CPS1: variants seen among roughly 807,000 people sequenced by gnomAD.
CPS1 encodes carbamoyl-phosphate synthase 1, also known as carbamoyl-phosphate synthase [ammonia], mitochondrial.
A neutral mutation model predicts 174.6 loss-of-function variants in CPS1; 109 were observed. The observed-to-expected ratio is 0.62, with a 90% CI of 0.53 to 0.73. The LOEUF (loss-of-function observed/expected upper bound fraction) is 0.73, where lower values mean the gene tolerates loss of function less well. Ranked by LOEUF, CPS1 falls within the 30% of genes least tolerant of loss-of-function variation. The pLI is 0.00. For missense variants in CPS1, 1,689 were observed against 1,821.9 expected (o/e 0.93, Z 1.33); for synonymous variants, 637 against 632.0 (o/e 1.01, Z -0.12).
chr2:210,647,204 T>C (rs1700405522), intron 25 of CPS1, among the ~76,000 whole-genome samples: 1 of 152,026 alleles, frequency 6.6e-6, no homozygotes, highest in South Asian at 2.1e-4. Context: ...AGCTAAAGGT[T>C]AGATAAGCTG....
intron 1 of CPS1, among the ~76,000 whole-genome samples, chr2:210,497,530 C>T (rs1695020418): frequency 6.6e-6 from 1 of 151,944 alleles, no homozygotes; most frequent in Non-Finnish European, 1.5e-5. Flanking sequence ...GTTTTTCAAC[C>T]CTTGTCCCCA....
At chr2:210,507,109 G>A (rs1038605832) in intron 1 of CPS1, among the ~76,000 whole-genome samples, 6 of 152,204 alleles carry the variant, frequency 3.9e-5, no homozygotes, top group African/African-American at 1.2e-4. Flanking sequence ...AGGAAAAAAT[G>A]TTAAGGGCAG....
chr2:210,634,629 C>A (rs1311765769), intron 21 of CPS1, among the ~76,000 whole-genome samples: 1 of 152,150 alleles, frequency 6.6e-6, no homozygotes, highest in Non-Finnish European at 1.5e-5. Context: ...TCAACTTGTG[C>A]ACACTTCTCC....
intron 1 of CPS1, among the ~76,000 whole-genome samples, chr2:210,479,731 A>G (rs1401623626): frequency 6.6e-6 from 1 of 152,328 alleles, no homozygotes; most frequent in East Asian, 1.9e-4. Context: ...GGCTGAACAC[A>G]TTTGTGGCTA....
intron 21 of CPS1, among the ~76,000 whole-genome samples, chr2:210,622,383 C>CAT (rs951414336): frequency 6.6e-6 from 1 of 151,320 alleles, no homozygotes; most frequent in African/African-American, 2.4e-5. Context: ...TAAACATAAG[C>CAT]ATATATATAC....
At chr2:210,579,610 T>C (rs1272543601) in intron 4 of CPS1, 104 bp from the exon 5 acceptor site, 2 of 863,876 alleles carry the variant, frequency 2.3e-6, no homozygotes, top group Non-Finnish European at 2.0e-6. Context: ...GGAGAAATTA[T>C]TTACTGCTCA....
At chr2:210,665,160 C>A (rs1283590236) in intron 33 of CPS1, among the ~76,000 whole-genome samples, 1 of 152,120 alleles carries the variant, frequency 6.6e-6, no homozygotes, top group Non-Finnish European at 1.5e-5. Flanking sequence ...AAGTTAGTTG[C>A]CCAGTACTTG....
At chr2:210,538,347 T>C (rs1000821740) in intron 1 of CPS1, among the ~76,000 whole-genome samples, 15 of 152,144 alleles carry the variant, frequency 9.9e-5, no homozygotes, top group Non-Finnish European at 2.1e-4. Flanking sequence ...AATATCCTAC[T>C]TTTGTATATT....
At position 210,620,829 on chromosome 2, in the gene CPS1, G is replaced by A. The variant is rs78465220; in HGVS notation, c.2687+4288G>A. The stretch of plus-strand genomic sequence containing the variant: ...ACCAGTCCCCATCTCCAACACTGGG[G>A]ATTAAATATCAATCTGAGATTTGGG... On this transcript the variant is annotated intron_variant, in intron 21 of 37. Transcript: ENST00000233072. Among the ~76,000 whole-genome samples the A allele has an allele frequency of 1.5e-3, 230 of 152,120 alleles. 1 individual carries two copies. The highest frequency in any genetic ancestry group is 5.0e-3 in the African/African-American group (207 of 41,492).
intron 21 of CPS1, among the ~76,000 whole-genome samples, chr2:210,630,763 C>T (rs1345003648): frequency 6.6e-6 from 1 of 152,112 alleles, no homozygotes; most frequent in Admixed American, 6.6e-5. Context: ...TTGCATTTCT[C>T]GTAAGGAAAC....
chr2:210,537,433 G>T (rs1300835735), intron 1 of CPS1, among the ~76,000 whole-genome samples: 2 of 152,170 alleles, frequency 1.3e-5, no homozygotes, highest in Non-Finnish European at 2.9e-5. Flanking sequence ...AGCATGAACT[G>T]CCATCCTCCT....
chr2:210,577,738 TG>T (rs1469745446), intron 4 of CPS1, among the ~76,000 whole-genome samples: 1 of 152,182 alleles, frequency 6.6e-6, no homozygotes, highest in East Asian at 1.9e-4. Context: ...CATACATGCT[TG>T]GTAGCACTTC....
chr2:210,656,342 A>G (rs540314848), intron 29 of CPS1, among the ~76,000 whole-genome samples, 183 bp from the exon 30 acceptor site: 2 of 152,292 alleles, frequency 1.3e-5, no homozygotes, highest in African/African-American at 2.4e-5. Context: ...AGCTGCCTCT[A>G]CAGGAAATCT....
intron 1 of CPS1, among the ~76,000 whole-genome samples, chr2:210,487,813 A>C (rs1048299357): frequency 2.0e-5 from 3 of 152,148 alleles, no homozygotes; most frequent in African/African-American, 7.2e-5. Flanking sequence ...TCCCAGCTGT[A>C]CATATCAATT....
chr2:210,648,360 T>C (rs1700446706), intron 26 of CPS1, 113 bp from the exon 27 acceptor site: 1 of 851,278 alleles, frequency 1.2e-6, no homozygotes, highest in African/African-American at 1.7e-5. Flanking sequence ...CATTTAATGG[T>C]GCCTTTAGAG....
At chr2:210,535,185 A>G (rs1253847306) in intron 1 of CPS1, among the ~76,000 whole-genome samples, 1 of 152,198 alleles carries the variant, frequency 6.6e-6, no homozygotes, top group Non-Finnish European at 1.5e-5. Context: ...CATCTGCCTG[A>G]AACATACCCC....
intron 1 of CPS1, among the ~76,000 whole-genome samples, chr2:210,536,661 A>T (rs1206572240): frequency 1.3e-5 from 2 of 152,094 alleles, no homozygotes; most frequent in Non-Finnish European, 2.9e-5. Context: ...AGCCCCATGG[A>T]TTGGCAATCC....
At chr2:210,666,146 A>G (rs1453244175) in intron 33 of CPS1, among the ~76,000 whole-genome samples, 34 of 152,050 alleles carry the variant, frequency 2.2e-4, no homozygotes, top group African/African-American at 8.0e-4. Context: ...GTCTGTTCAT[A>G]TCCTTTGCTC....
rs768457837 is a variant in CPS1 at position 210,678,078 on chromosome 2, A to AT, written c.*94dup. Reference sequence around the variant, plus strand: ...ACAACTTTCTCAGAGATGAATATTGATAACTAAACTTCATTTCAGTTTACT... The same window carrying AT: ...ACAACTTTCTCAGAGATGAATATTGATTAACTAAACTTCATTTCAGTTTACT... On this transcript the variant is annotated 3_prime_UTR_variant, in exon 38 of 38. Coordinates refer to ENST00000233072, the MANE Select transcript of CPS1 (RefSeq NM_001875.5). 99 of 943,104 alleles carry AT rather than the reference A, an allele frequency of 1.0e-4. No individual in the cohort carries two copies. Among genetic ancestry groups the AT allele is most frequent in the Non-Finnish European group, 1.6e-4 (93 of 567,790 alleles). The allele number at this position is 943,104 out of a possible 1,614,324, so 58.4% of individuals were successfully genotyped here.
Sources: gnomAD v4.1 joint callset for allele counts (sites outside exome capture counted in the v4.1 genomes callset) on GRCh38, gnomAD v4.1.1 for gene constraint, MANE v1.5 for transcripts, NCBI Gene and HGNC (gene_info 2026-07-23, HGNC 2026-07-21) for gene names.